CSNK1G3: variants seen among roughly 807,000 people sequenced by gnomAD.
The protein encoded by CSNK1G3 is casein kinase 1 gamma 3, also known as casein kinase I isoform gamma-3.
A neutral mutation model predicts 64.3 loss-of-function variants in CSNK1G3; 23 were observed. The ratio of observed to expected loss-of-function variants is 0.36; its 90% CI spans 0.26 to 0.51. The LOEUF (loss-of-function observed/expected upper bound fraction) is 0.51. CSNK1G3 is among the 20% of genes least tolerant of loss of function. CSNK1G3 has a pLI of 0.96. For missense variants in CSNK1G3, 357 were observed against 510.5 expected, an observed-to-expected ratio of 0.70 and a Z score of 2.90; for synonymous variants, 158 against 162.2, an observed-to-expected ratio of 0.97 and a Z score of 0.20.
chr5:123,577,021 A>G (rs1484605634), intron 6 of CSNK1G3, among the ~76,000 whole-genome samples: 1 of 152,016 alleles, frequency 6.6e-6, no homozygotes, highest in Non-Finnish European at 1.5e-5. Context: ...ATTTAATGTA[A>G]TGTATTGAAT....
intron 1 of CSNK1G3, among the ~76,000 whole-genome samples, chr5:123,544,622 A>G (rs553492740): frequency 6.6e-6 from 1 of 152,230 alleles, no homozygotes; most frequent in Non-Finnish European, 1.5e-5. Context: ...GAATTACCAC[A>G]GAATTAAGGT....
chr5:123,560,191 A>G (rs968403634), intron 4 of CSNK1G3, among the ~76,000 whole-genome samples: 6 of 152,300 alleles, frequency 3.9e-5, no homozygotes, highest in Admixed American at 3.9e-4. Context: ...ACCCCTCAAT[A>G]TGGCTGTAAC....
At chr5:123,591,776 A>G (rs890307915) in intron 10 of CSNK1G3, among the ~76,000 whole-genome samples, 2 of 152,110 alleles carry the variant, frequency 1.3e-5, no homozygotes, top group Non-Finnish European at 2.9e-5. Flanking sequence ...TACACATTAT[A>G]GAAATTCAGA....
intron 9 of CSNK1G3, among the ~76,000 whole-genome samples, chr5:123,590,852 T>C (rs2150977399): frequency 6.6e-6 from 1 of 152,202 alleles, no homozygotes; most frequent in East Asian, 1.9e-4. Context: ...ATGATTAATT[T>C]AATACTTCAA....
At chr5:123,536,365 A>G (rs1780807694) in intron 1 of CSNK1G3, among the ~76,000 whole-genome samples, 1 of 151,808 alleles carries the variant, frequency 6.6e-6, no homozygotes, top group South Asian at 2.1e-4. Context: ...TATATTTAAA[A>G]TAACATGAAA....
intron 10 of CSNK1G3, among the ~76,000 whole-genome samples, chr5:123,593,202 TAC>T (rs1554081831): frequency 0.062 from 9,130 of 146,816 alleles, 312 homozygotes; most frequent in African/African-American, 0.086. Context: ...TGTGTATATA[TAC>T]ACACACACAC....
intron 2 of CSNK1G3, among the ~76,000 whole-genome samples, chr5:123,550,151 A>G (rs1368692584): frequency 2.0e-5 from 3 of 152,224 alleles, no homozygotes; most frequent in Non-Finnish European, 2.9e-5. Context: ...TAAGGAATAG[A>G]CTGTAAGACG....
chr5:123,583,431 G>A (rs1790715773), intron 6 of CSNK1G3, among the ~76,000 whole-genome samples: 1 of 151,222 alleles, frequency 6.6e-6, no homozygotes, highest in Admixed American at 6.6e-5. Context: ...CGCGATCTTG[G>A]CTCACCACAA....
intron 12 of CSNK1G3, among the ~76,000 whole-genome samples, chr5:123,612,467 A>G (rs931859754): frequency 2.6e-5 from 4 of 151,194 alleles, no homozygotes; most frequent in Admixed American, 2.6e-4. Context: ...GCCGGGTGGG[A>G]CACTTGAAGC....
At chr5:123,555,338 G>T (rs1052260688) in intron 3 of CSNK1G3, among the ~76,000 whole-genome samples, 2 of 152,114 alleles carry the variant, frequency 1.3e-5, no homozygotes, top group African/African-American at 4.8e-5. Flanking sequence ...GATAGTTCAT[G>T]ATTTCCTTAT....
At chr5:123,592,565 A>G (rs1231150407) in intron 10 of CSNK1G3, among the ~76,000 whole-genome samples, 1 of 151,974 alleles carries the variant, frequency 6.6e-6, no homozygotes, top group African/African-American at 2.4e-5. Flanking sequence ...CTTACAATCC[A>G]TTTTGGAGAA....
intron 10 of CSNK1G3, among the ~76,000 whole-genome samples, chr5:123,592,772 A>G (rs1439450882): frequency 2.0e-5 from 3 of 151,666 alleles, no homozygotes; most frequent in African/African-American, 7.3e-5. Context: ...GCCAGTTTTA[A>G]AAGATTAATA....
intron 10 of CSNK1G3, among the ~76,000 whole-genome samples, chr5:123,598,052 C>T (rs1028748898): frequency 6.6e-5 from 10 of 152,082 alleles, no homozygotes; most frequent in Admixed American, 1.3e-4. Flanking sequence ...TTAGTTCAGT[C>T]ATGTTAAGTC....
chr5:123,600,724 T>C (rs1478650615), intron 10 of CSNK1G3, among the ~76,000 whole-genome samples: 2 of 152,196 alleles, frequency 1.3e-5, no homozygotes, highest in East Asian at 3.9e-4. Context: ...ATTTTAAAAA[T>C]CATTGACAAT....
intron 1 of CSNK1G3, among the ~76,000 whole-genome samples, chr5:123,543,926 A>G (rs1261200397): frequency 6.6e-6 from 1 of 152,162 alleles, no homozygotes; most frequent in Non-Finnish European, 1.5e-5. Flanking sequence ...TAATGGTGGA[A>G]TCCTAATTAG....
intron 5 of CSNK1G3, among the ~76,000 whole-genome samples, chr5:123,573,851 T>TG (rs1788594154): frequency 1.6e-5 from 1 of 61,428 alleles, no homozygotes; most frequent in Non-Finnish European, 3.3e-5. Context: ...GAAACATAGA[T>TG]TTTTTTTTTT....
chr5:123,523,166 C>T (rs762117563), intron 1 of CSNK1G3, among the ~76,000 whole-genome samples: 3 of 151,968 alleles, frequency 2.0e-5, no homozygotes, highest in Admixed American at 2.0e-4. Context: ...CTTTTTTATA[C>T]CACTGTTGAT....
At chr5:123,570,434 A>G (rs1377661803) in intron 4 of CSNK1G3, among the ~76,000 whole-genome samples, 3 of 148,894 alleles carry the variant, frequency 2.0e-5, no homozygotes, top group African/African-American at 5.0e-5. Context: ...GCTCACTGCA[A>G]CCTCCACCTC....
intron 1 of CSNK1G3, among the ~76,000 whole-genome samples, chr5:123,520,470 A>G (rs1306727164): frequency 6.6e-6 from 1 of 150,808 alleles, no homozygotes; most frequent in Non-Finnish European, 1.5e-5. Flanking sequence ...ATCAGAAAAA[A>G]CAGTAATTTT....
Sources: allele counts gnomAD v4.1 joint callset (sites outside exome capture counted in the v4.1 genomes callset), GRCh38; gene constraint gnomAD v4.1.1; transcripts MANE v1.5; gene names NCBI Gene and HGNC (gene_info 2026-07-23, HGNC 2026-07-21).